COL4A3: variants seen among roughly 807,000 people sequenced by gnomAD.
COL4A3 encodes collagen alpha-3(IV) chain.
In COL4A3, 135 loss-of-function variants were observed where a neutral mutation model predicts 217.4. That is an observed-to-expected ratio of 0.62 (90% CI 0.54 to 0.72). The LOEUF (loss-of-function observed/expected upper bound fraction) is 0.72. Among genes scored for constraint, COL4A3 ranks in the 30% least tolerant of loss-of-function variants. The pLI, the probability that COL4A3 is intolerant of heterozygous loss-of-function variation, is 0.00. For synonymous variants in COL4A3, 690 were observed against 736.3 expected, an observed-to-expected ratio of 0.94 and a Z score of 1.02; for missense variants, 1,868 against 2,119.9, an observed-to-expected ratio of 0.88 and a Z score of 2.33.
intron 1 of COL4A3, among the ~76,000 whole-genome samples, chr2:227,218,970 A>G (rs2067643584): frequency 6.6e-6 from 1 of 151,930 alleles, no homozygotes; most frequent in Admixed American, 6.6e-5. Flanking sequence ...AAATAGCCTA[A>G]CATGAAGTCT....
Position 227,280,927 on chromosome 2 carries a change from A to T in COL4A3, c.2409A>T (p.Gln803His). ...DPGQPGPPGE[Q>H]GPPGRCIEGP... is the part of the protein sequence containing the mutation. ...GGCAGCCTGGACCACCTGGAGAACA[A>T]GGACCCCCAGGAAGGTGCATAGAGG... is the stretch of plus-strand genomic sequence containing the variant. The change falls in exon 31 of 52, where the codon CAA (glutamine) becomes CAT (histidine). Residue 803 changes from glutamine (Q) to histidine (H), a missense_variant. By Grantham distance (24) the Gln-to-His change is conservative. Around this residue, in one of 2 missense-constraint regions of COL4A3, gnomAD observed 1,503 missense variants for 1,786.1 expected, o/e 0.84. Coordinates refer to ENST00000396578, the MANE Select transcript of COL4A3 (RefSeq NM_000091.5). 1.3e-6 allele frequency: 2 copies of T among 1,563,620 alleles called. No individual in the cohort carries two copies. The highest frequency in any genetic ancestry group is 1.7e-6 in the Non-Finnish European group (2 of 1,153,406).
chr2:227,312,501 A>T lies in COL4A3; in HGVS notation c.*631A>T, dbSNP rs1310090746. ...CCTGATGGAACCATAATACCCTTGG[A>T]AATACTGTATGGTTTTGTTTTGTTT... is the stretch of plus-strand genomic sequence containing the variant. On this transcript the variant is annotated 3_prime_UTR_variant, in exon 52 of 52. Coordinates refer to ENST00000396578, the MANE Select transcript of COL4A3 (RefSeq NM_000091.5). 3 of 152,242 alleles carry T rather than the reference A, an allele frequency of 2.0e-5. No individual in the cohort carries two copies. 9.4% of individuals were successfully genotyped at this position (152,242 alleles called of 1,614,324 possible). A position where few individuals can be genotyped will look rare whatever the true frequency, so the allele number is the denominator to read the frequency against.
At chr2:227,280,749 G>C in intron 30 of COL4A3, 144 bp from the exon 31 acceptor site, 1 of 1,065,150 alleles carries the variant, frequency 9.4e-7, no homozygotes, top group South Asian at 1.3e-5. Context: ...TTTTTAATGA[G>C]TGCCCTCTAG....
In COL4A3 at chr2:227,310,819, C is replaced by T. The variant is rs897404585; in HGVS notation, c.4799C>T (p.Ser1600Phe). The change falls in exon 51 of 52, where the codon TCC becomes TTC. Residue 1600 changes from serine (S) to phenylalanine (F), a missense_variant. This residue lies in a region of COL4A3 where 1,503 missense variants were observed against 1,786.1 expected (regional missense o/e 0.84). Transcript: ENST00000396578. ...GSEGTGQALA[S>F]PGSCLEEFRA... ...GAGGGCACCGGGCAAGCACTGGCCT[C>T]CCCTGGCTCCTGCCTGGAAGAATTC... The T allele has an allele frequency of 2.1e-5, 34 of 1,613,998 alleles. No individual in the cohort carries two copies. The highest frequency in any genetic ancestry group is 2.8e-5 in the Non-Finnish European group (33 of 1,179,980).
intron 26 of COL4A3, among the ~76,000 whole-genome samples, chr2:227,274,610 T>C (rs2071448961): frequency 6.6e-6 from 1 of 151,498 alleles, no homozygotes; most frequent in African/African-American, 2.4e-5. Flanking sequence ...GTTACTCTCC[T>C]GTCTCATCCT....
intron 1 of COL4A3, among the ~76,000 whole-genome samples, chr2:227,189,043 A>G (rs1237581591): frequency 6.6e-6 from 1 of 151,944 alleles, no homozygotes; most frequent in Non-Finnish European, 1.5e-5. Flanking sequence ...GGGAGGAGAG[A>G]CTCTTCCATA....
At chr2:227,169,543 C>A (rs1047118743) in intron 1 of COL4A3, among the ~76,000 whole-genome samples, 1 of 151,990 alleles carries the variant, frequency 6.6e-6, no homozygotes, top group Non-Finnish European at 1.5e-5. Context: ...CACATCCTCT[C>A]CAGCACCTGT....
At chr2:227,248,664 T>C (rs2125916900) in intron 9 of COL4A3, 144 bp downstream of exon 9, 1 of 632,310 alleles carries the variant, frequency 1.6e-6, no homozygotes, top group Non-Finnish European at 2.8e-6. Flanking sequence ...TTCCTATTTA[T>C]TCTATTTACA....
intron 47 of COL4A3, among the ~76,000 whole-genome samples, chr2:227,307,013 G>A (rs1196804543): frequency 6.6e-6 from 1 of 152,108 alleles, no homozygotes; most frequent in African/African-American, 2.4e-5. Flanking sequence ...TAGCTCACTG[G>A]TTCTCATCTA....
At chr2:227,190,040 T>A (rs1019728158) in intron 1 of COL4A3, among the ~76,000 whole-genome samples, 3 of 151,996 alleles carry the variant, frequency 2.0e-5, no homozygotes, top group African/African-American at 7.3e-5. Flanking sequence ...TGGATGTGCT[T>A]CTACCAAGAG....
rs1289827238 is a variant in COL4A3 at position 227,281,013 on chromosome 2, G to C, written c.2488+7G>C. On this transcript the variant is annotated splice_region_variant and intron_variant, in intron 31 of 51. Coordinates refer to ENST00000396578, the MANE Select transcript of COL4A3 (RefSeq NM_000091.5). The stretch of plus-strand genomic sequence containing the variant: ...GGATTGAAAGGGCAACAAGGTAGGA[G>C]GAGGGCCTCAAAACTGGCCACCAGA... The C allele has an allele frequency of 3.9e-6, 6 of 1,544,440 alleles. No individual in the cohort carries two copies. Among genetic ancestry groups the C allele is most frequent in the African/African-American group, 1.4e-5 (1 of 72,934 alleles).
intron 1 of COL4A3, among the ~76,000 whole-genome samples, chr2:227,233,613 C>A (rs2068527470): frequency 6.6e-6 from 1 of 152,006 alleles, no homozygotes; most frequent in African/African-American, 2.4e-5. Flanking sequence ...GCAAACAAAC[C>A]AAATACAACA....
At chr2:227,277,656 G>A (rs2071665522) in intron 28 of COL4A3, 103 bp downstream of exon 28, 5 of 713,268 alleles carry the variant, frequency 7.0e-6, no homozygotes, top group Non-Finnish European at 1.2e-5. Context: ...GATATAAATA[G>A]GATATAAGAT....
intron 1 of COL4A3, among the ~76,000 whole-genome samples, chr2:227,199,720 G>T (rs2066612162): frequency 6.6e-6 from 1 of 152,160 alleles, no homozygotes; most frequent in Admixed American, 6.5e-5. Flanking sequence ...CATATCTGTG[G>T]CCCCAGCCCC....
chr2:227,200,806 T>C (rs1395175000), intron 1 of COL4A3, among the ~76,000 whole-genome samples: 3 of 152,240 alleles, frequency 2.0e-5, no homozygotes, highest in Non-Finnish European at 4.4e-5. Context: ...TTCATTTACA[T>C]GTTCAATTGC....
At chr2:227,214,627 C>T (rs1439541581) in intron 1 of COL4A3, among the ~76,000 whole-genome samples, 1 of 152,198 alleles carries the variant, frequency 6.6e-6, no homozygotes, top group Non-Finnish European at 1.5e-5. Context: ...GGTCCTATTG[C>T]TATCTCTGGG....
chr2:227,235,263 G>T (rs895933156), intron 1 of COL4A3, among the ~76,000 whole-genome samples: 1 of 152,176 alleles, frequency 6.6e-6, no homozygotes, highest in East Asian at 1.9e-4. Flanking sequence ...ATACTTAAAA[G>T]ATGTGGTTGA....
chr2:227,193,380 G>T (rs1250317073), intron 1 of COL4A3, among the ~76,000 whole-genome samples: 1 of 152,304 alleles, frequency 6.6e-6, no homozygotes, highest in African/African-American at 2.4e-5. Context: ...AGATCACAAT[G>T]GCAGGATGTT....
At chr2:227,178,761 G>A (rs2065776065) in intron 1 of COL4A3, among the ~76,000 whole-genome samples, 1 of 151,862 alleles carries the variant, frequency 6.6e-6, no homozygotes, top group Non-Finnish European at 1.5e-5. Flanking sequence ...TGTTGGCCAG[G>A]CTAGTGTTGA....
Sources: allele counts gnomAD v4.1 joint callset (sites outside exome capture counted in the v4.1 genomes callset), GRCh38; gene constraint gnomAD v4.1.1; regional missense constraint gnomAD v4.1.1; transcripts MANE v1.5; gene names NCBI Gene and HGNC (gene_info 2026-07-23, HGNC 2026-07-21).